KIF14: variants seen among roughly 807,000 people sequenced by gnomAD.
KIF14 encodes the protein kinesin family member 14.
Under a neutral mutation model 176.2 loss-of-function variants are expected in KIF14, and 98 were observed. That is an observed-to-expected ratio of 0.56 (90% CI 0.47 to 0.66). KIF14 has a LOEUF of 0.66. KIF14 is among the 30% of genes least tolerant of loss of function. KIF14 has a pLI of 0.00. For synonymous variants in KIF14, 566 were observed against 632.2 expected, an observed-to-expected ratio of 0.90 and a Z score of 1.57; for missense variants, 1,751 against 1,920.4, an observed-to-expected ratio of 0.91 and a Z score of 1.65.
chr1:200,589,186 A>G (rs749479124), intron 18 of KIF14, 31 bp downstream of exon 18: 12 of 1,555,470 alleles, frequency 7.7e-6, no homozygotes, highest in Non-Finnish European at 9.6e-6. Context: ...TTTTCTCAGA[A>G]TAGAGTTAAC....
intron 29 of KIF14, among the ~76,000 whole-genome samples, chr1:200,554,167 A>G (rs999313314): frequency 6.6e-6 from 1 of 151,904 alleles, no homozygotes; most frequent in Non-Finnish European, 1.5e-5. Flanking sequence ...AAGGTGGGTG[A>G]ATTGTTTGAG....
rs1253789765 is a variant in KIF14 at position 200,618,038 on chromosome 1, A to G, written c.686T>C (p.Val229Ala). Residue 229 changes from valine (V) to alanine (A), a missense_variant, in exon 2 of 30, where the codon GTT becomes GCT. By Grantham distance (64) the Val-to-Ala change is moderately conservative. Coordinates refer to ENST00000367350, the MANE Select transcript of KIF14 (RefSeq NM_014875.3). ...CGTTGTCAAGTGTCCTGATCTAACA[A>G]CTTCAGTCTGACTCAGGGAAGCAAT... The part of the protein sequence containing the change: ...PPIASLSQTE[V>A]VRSGHLTTKP... 2 of 1,614,136 alleles carry G rather than the reference A, an allele frequency of 1.2e-6. No individual in the cohort carries two copies. The highest frequency in any genetic ancestry group is 1.7e-6 in the Non-Finnish European group (2 of 1,180,006).
At chr1:200,595,615 C>G (rs1356916230) in intron 14 of KIF14, among the ~76,000 whole-genome samples, 1 of 151,914 alleles carries the variant, frequency 6.6e-6, no homozygotes, top group Non-Finnish European at 1.5e-5. Context: ...AATAAAAGAG[C>G]AAAAGAACCT....
intron 23 of KIF14, among the ~76,000 whole-genome samples, chr1:200,567,857 A>G (rs997510566): frequency 3.3e-5 from 5 of 151,984 alleles, no homozygotes; most frequent in African/African-American, 1.2e-4. Flanking sequence ...AGAAAAAAAA[A>G]AAGCTACAAA....
chr1:200,615,705 A>G, intron 2 of KIF14, 96 bp from the exon 3 acceptor site: 1 of 1,046,448 alleles, frequency 9.6e-7, no homozygotes, highest in Non-Finnish European at 1.4e-6. Context: ...TATTTAAACA[A>G]TCTTCCAAGG....
chr1:200,567,477 G>A lies in KIF14; in HGVS notation c.3662-1808C>T, dbSNP rs569359690. Among the ~76,000 whole-genome samples the A allele has an allele frequency of 2.7e-3, 404 of 147,576 alleles. 3 individuals carry two copies. Among genetic ancestry groups the A allele is most frequent in the African/African-American group, 9.8e-3 (389 of 39,892 alleles). Reference sequence around the variant, plus strand: ...GGAGAATGGCGTGAACCCGGGAGGCGCAGCTGAGATTGCGCCACTGCACTC... The same window carrying A: ...GGAGAATGGCGTGAACCCGGGAGGCACAGCTGAGATTGCGCCACTGCACTC... On this transcript the variant is annotated intron_variant, in intron 23 of 29. Transcript: ENST00000367350.
intron 18 of KIF14, among the ~76,000 whole-genome samples, chr1:200,588,005 A>T (rs1170988186): frequency 6.6e-6 from 1 of 151,970 alleles, no homozygotes; most frequent in Non-Finnish European, 1.5e-5. Flanking sequence ...TCCACCCCCA[A>T]CTCCCACCCT....
intron 15 of KIF14, among the ~76,000 whole-genome samples, chr1:200,592,880 T>C (rs1659124940): frequency 6.6e-6 from 1 of 152,104 alleles, no homozygotes; most frequent in South Asian, 2.1e-4. Context: ...CTGAATACCA[T>C]AGGCAACTAT....
At chr1:200,554,130 C>A (rs966440601) in intron 29 of KIF14, among the ~76,000 whole-genome samples, 5 of 152,092 alleles carry the variant, frequency 3.3e-5, no homozygotes, top group African/African-American at 1.2e-4. Flanking sequence ...GTGGCTCATG[C>A]CTGTAATCCC....
intron 19 of KIF14, among the ~76,000 whole-genome samples, chr1:200,584,346 ATTCC>A (rs1658627048): frequency 6.6e-6 from 1 of 152,178 alleles, no homozygotes; most frequent in Non-Finnish European, 1.5e-5. Flanking sequence ...AACATTTCCA[ATTCC>A]TTTTGCAAGG....
intron 16 of KIF14, 131 bp from the exon 17 acceptor site, chr1:200,590,403 A>C (rs1048043262): frequency 1.5e-5 from 12 of 818,958 alleles, no homozygotes; most frequent in Non-Finnish European, 2.2e-5. Flanking sequence ...CTGACATTCT[A>C]TCAACAGTGT....
chr1:200,593,745 T>G lies in KIF14; in HGVS notation c.2574A>C (p.Thr858=), dbSNP rs1233624822. The part of the protein sequence containing the change: ...DHCTIKNFGG[T]VSIIPVGEAK... Reference sequence around the variant, plus strand: ...CTTCCCCAACTGGGATAATACTCACTGTCCCACCAAAATTTTTGATAGTAC... The same window carrying G: ...CTTCCCCAACTGGGATAATACTCACGGTCCCACCAAAATTTTTGATAGTAC... Residue 858 remains threonine (T), a synonymous_variant, in exon 15 of 30, where the codon ACA becomes ACC. Coordinates refer to ENST00000367350, the MANE Select transcript of KIF14 (RefSeq NM_014875.3). 6.2e-7 allele frequency: 1 copy of G among 1,611,380 alleles called. No individual in the cohort carries two copies. Among genetic ancestry groups the G allele is most frequent in the East Asian group, 2.2e-5 (1 of 44,778 alleles).
At chr1:200,590,632 G>A (rs910355222) in intron 16 of KIF14, among the ~76,000 whole-genome samples, 1 of 152,198 alleles carries the variant, frequency 6.6e-6, no homozygotes, top group African/African-American at 2.4e-5. Context: ...TCACAGCTAG[G>A]GAGAGAGGAG....
intron 29 of KIF14, among the ~76,000 whole-genome samples, chr1:200,554,183 G>A (rs957692955): frequency 2.6e-5 from 4 of 152,154 alleles, no homozygotes; most frequent in Non-Finnish European, 2.9e-5. Context: ...TTGAGGTCAG[G>A]AGTTCGAGAC....
chr1:200,603,474 T>A, intron 9 of KIF14, 133 bp from the exon 10 acceptor site: 1 of 588,812 alleles, frequency 1.7e-6, no homozygotes, highest in Non-Finnish European at 3.0e-6. Context: ...TGAGACAGAG[T>A]CTCACTCTGT....
In KIF14 at chr1:200,565,478, G is replaced by A; in HGVS notation, c.3853C>T (p.His1285Tyr). The change falls in exon 24 of 30, where the codon CAT becomes TAT. Residue 1285 changes from histidine (H) to tyrosine (Y), a missense_variant. His to Tyr is a moderately conservative substitution (Grantham distance 83). Transcript: ENST00000367350. Reference sequence around the variant, plus strand: ...TGACTTTCTTCATCTTGTTCTTCATGAGCCTTGGAAATGGCAAATAGCCCA... The same window carrying A: ...TGACTTTCTTCATCTTGTTCTTCATAAGCCTTGGAAATGGCAAATAGCCCA... Reference protein sequence around the residue: ...YNGLFAISKAHEEQDEESQDN... With the variant: ...YNGLFAISKAYEEQDEESQDN... 5.0e-6 allele frequency: 8 copies of A among 1,602,790 alleles called. No individual in the cohort carries two copies. The highest frequency in any genetic ancestry group is 1.1e-5 in the South Asian group (1 of 88,142).
At chr1:200,588,243 GTTTT>G (rs1340532473) in intron 18 of KIF14, among the ~76,000 whole-genome samples, 1 of 109,366 alleles carries the variant, frequency 9.1e-6, no homozygotes, top group East Asian at 2.5e-4. Context: ...TTGTTTGTTT[GTTTT>G]GTTTTTTTTT....
intron 21 of KIF14, among the ~76,000 whole-genome samples, chr1:200,579,750 A>C (rs1023362372): frequency 6.6e-6 from 1 of 152,184 alleles, no homozygotes; most frequent in Non-Finnish European, 1.5e-5. Flanking sequence ...GGAAAATAAA[A>C]GATGACAAAA....
chr1:200,605,997 C>A, intron 6 of KIF14, 103 bp from the exon 7 acceptor site: 1 of 577,178 alleles, frequency 1.7e-6, no homozygotes, highest in Non-Finnish European at 3.0e-6. Context: ...CTGAAGATCA[C>A]AATGGACTAA....
Sources: allele counts gnomAD v4.1 joint callset (sites outside exome capture counted in the v4.1 genomes callset), GRCh38; gene constraint gnomAD v4.1.1; transcripts MANE v1.5; gene names NCBI Gene and HGNC (gene_info 2026-07-23, HGNC 2026-07-21).